The following ROBO2 variants were observed in gnomAD, a reference collection of about 807,000 sequenced individuals.
ROBO2 encodes roundabout homolog 2.
A neutral mutation model predicts 160.8 loss-of-function variants in ROBO2; 53 were observed. The ratio of observed to expected loss-of-function variants is 0.33; its 90% CI spans 0.26 to 0.41. The LOEUF (loss-of-function observed/expected upper bound fraction) is 0.41. Ranked by LOEUF, ROBO2 falls within the 10% of genes least tolerant of loss-of-function variation. The pLI is 1.00. For missense variants in ROBO2, 1,577 were observed against 1,722.4 expected (o/e 0.92, Z 1.49); for synonymous variants, 664 against 611.7 (o/e 1.09, Z -1.26).
intron 2 of ROBO2, among the ~76,000 whole-genome samples, chr3:77,120,766 A>G (rs1328689000): frequency 6.6e-6 from 1 of 152,150 alleles, no homozygotes; most frequent in African/African-American, 2.4e-5. Context: ...GATAAGAAAA[A>G]GCAACTGAGC....
chr3:77,304,149 A>C (rs2062893010), intron 2 of ROBO2, among the ~76,000 whole-genome samples: 1 of 152,204 alleles, frequency 6.6e-6, no homozygotes, highest in Admixed American at 6.5e-5. Flanking sequence ...GGTGATGAGA[A>C]GATAAAGGGT....
At chr3:76,618,804 T>C (rs149731461) in intron 2 of ROBO2, among the ~76,000 whole-genome samples, 2 of 151,736 alleles carry the variant, frequency 1.3e-5, no homozygotes, top group African/African-American at 4.9e-5. Flanking sequence ...GCTTTTCCAG[T>C]GTAAATAATG....
chr3:76,002,310 G>A (rs615527), intron 2 of ROBO2, among the ~76,000 whole-genome samples: 62,973 of 151,898 alleles, frequency 0.41, 14,391 homozygotes, highest in South Asian at 0.66. Context: ...GATAAGCCAA[G>A]CGATATGGTT....
chr3:76,217,521 A>G (rs1703633940), intron 2 of ROBO2, among the ~76,000 whole-genome samples: 1 of 152,246 alleles, frequency 6.6e-6, no homozygotes, highest in Admixed American at 6.5e-5. Context: ...ACCGTCAGAG[A>G]ATACTATAAA....
At chr3:75,913,276 T>G (rs1946675380) in intron 1 of ROBO2, among the ~76,000 whole-genome samples, 1 of 152,198 alleles carries the variant, frequency 6.6e-6, no homozygotes, top group Admixed American at 6.5e-5. Context: ...ATGGATGACG[T>G]GGGATAATCA....
At chr3:76,648,283 C>T (rs914542536) in intron 2 of ROBO2, among the ~76,000 whole-genome samples, 2 of 151,904 alleles carry the variant, frequency 1.3e-5, no homozygotes, top group African/African-American at 4.8e-5. Flanking sequence ...TATAAATTTT[C>T]CTATGAGTCT....
chr3:77,598,406 T>C (rs1181574985), intron 19 of ROBO2, among the ~76,000 whole-genome samples: 1 of 149,262 alleles, frequency 6.7e-6, no homozygotes, highest in Non-Finnish European at 1.5e-5. Flanking sequence ...TCCTACTTCA[T>C]AGGTGTGTAA....
At chr3:76,614,058 G>A (rs1256724745) in intron 2 of ROBO2, among the ~76,000 whole-genome samples, 2 of 151,976 alleles carry the variant, frequency 1.3e-5, no homozygotes, top group East Asian at 1.9e-4. Context: ...TTATACTATG[G>A]TGCAGGCAGA....
chr3:77,255,666 A>G (rs929332141), intron 2 of ROBO2, among the ~76,000 whole-genome samples: 1 of 152,238 alleles, frequency 6.6e-6, no homozygotes, highest in African/African-American at 2.4e-5. Flanking sequence ...TTATACAGAC[A>G]TCACAAGGGT....
rs926592394 is a variant in ROBO2, at chr3:76,477,304, A to G, written c.109+539702A>G. On this transcript the variant is annotated intron_variant, in intron 2 of 26. Coordinates refer to the ROBO2 transcript ENST00000487694. ...ATTAAAAAACATATTTTTCTCGCCA[A>G]TCTGTCACTTAGGAATGATAATAAG... is the stretch of plus-strand genomic sequence containing the variant. Among the ~76,000 whole-genome samples the G allele has an allele frequency of 5.9e-5, 9 of 152,042 alleles. No homozygotes were observed. In the East Asian group the frequency reaches 1.5e-3, roughly 26 times the overall value.
intron 2 of ROBO2, among the ~76,000 whole-genome samples, chr3:76,757,721 G>A (rs1206035518): frequency 6.6e-6 from 1 of 151,676 alleles, no homozygotes; most frequent in African/African-American, 2.4e-5. Flanking sequence ...CATAATAACT[G>A]ATAATGTCAT....
chr3:76,702,157 C>G (rs1163585408), intron 2 of ROBO2, among the ~76,000 whole-genome samples: 2 of 151,812 alleles, frequency 1.3e-5, no homozygotes, highest in East Asian at 3.9e-4. Context: ...ATATCTTTAT[C>G]CCTTTCCATT....
At chr3:76,975,406 G>A (rs904531849) in intron 2 of ROBO2, among the ~76,000 whole-genome samples, 4 of 152,200 alleles carry the variant, frequency 2.6e-5, no homozygotes, top group Non-Finnish European at 5.9e-5. Flanking sequence ...TTGGGAGGCT[G>A]AGGCAGGAGA....
intron 2 of ROBO2, among the ~76,000 whole-genome samples, chr3:76,138,206 T>A (rs997022376): frequency 2.6e-5 from 4 of 151,946 alleles, no homozygotes; most frequent in Admixed American, 6.6e-5. Context: ...TTTTTTAAAC[T>A]ACCTATGAGA....
intron 2 of ROBO2, among the ~76,000 whole-genome samples, chr3:76,378,154 A>T (rs570686703): frequency 6.6e-6 from 1 of 152,194 alleles, no homozygotes; most frequent in Admixed American, 6.5e-5. Context: ...TTGTGATTAG[A>T]TGAATAAACC....
At chr3:76,725,873 T>G (rs900121783) in intron 2 of ROBO2, among the ~76,000 whole-genome samples, 12 of 152,300 alleles carry the variant, frequency 7.9e-5, no homozygotes, top group Admixed American at 3.9e-4. Flanking sequence ...AAACAAACAC[T>G]TGGAGTGTTC....
intron 2 of ROBO2, among the ~76,000 whole-genome samples, chr3:77,365,075 G>A (rs1480521745): frequency 6.6e-6 from 1 of 151,300 alleles, no homozygotes; most frequent in Non-Finnish European, 1.5e-5. Context: ...AACCCAGGAG[G>A]AGGAGGTTGC....
chr3:77,362,959 C>T (rs567361989), intron 2 of ROBO2, among the ~76,000 whole-genome samples: 2 of 152,232 alleles, frequency 1.3e-5, no homozygotes, highest in African/African-American at 4.8e-5. Context: ...CCACCGGGTC[C>T]CTCCCACAAC....
chr3:77,100,134 G>C (rs2071702748), intron 2 of ROBO2, among the ~76,000 whole-genome samples: 1 of 151,982 alleles, frequency 6.6e-6, no homozygotes. Context: ...GAATCAAACT[G>C]TTCTGGTGGG....
Sources: gnomAD v4.1 joint callset for allele counts (sites outside exome capture counted in the v4.1 genomes callset) on GRCh38, gnomAD v4.1.1 for gene constraint, MANE v1.5 for transcripts, NCBI Gene and HGNC (gene_info 2026-07-23, HGNC 2026-07-21) for gene names.